TASP1: variants seen among roughly 807,000 people sequenced by gnomAD.
TASP1 encodes the protein taspase 1, also known as threonine aspartase 1.
A neutral mutation model predicts 56.6 loss-of-function variants in TASP1; 16 were observed. The ratio of observed to expected loss-of-function variants is 0.28; its 90% CI spans 0.19 to 0.43. The LOEUF is 0.43. Among genes scored for constraint, TASP1 ranks in the 20% least tolerant of loss-of-function variants. The pLI is 1.00. For synonymous variants in TASP1, 179 were observed against 184.2 expected (o/e 0.97, Z 0.23); for missense variants, 393 against 511.6 (o/e 0.77, Z 2.24).
the TASP1 span, among the ~76,000 whole-genome samples, chr20:13,322,269 A>G: frequency 8.6e-4 from 131 of 152,304 alleles, no homozygotes; most frequent in African/African-American, 3.1e-3. Context: ...TCATCTTCAA[A>G]GGCAGTTTGT....
the TASP1 span, among the ~76,000 whole-genome samples, chr20:13,125,670 T>A: frequency 6.6e-6 from 1 of 152,186 alleles, no homozygotes; most frequent in African/African-American, 2.4e-5. Context: ...GCTGGAATGG[T>A]CCTTCTCTGT....
intron 1 of TASP1, among the ~76,000 whole-genome samples, chr20:13,634,304 T>C (rs555439513): frequency 9.6e-4 from 146 of 152,326 alleles, no homozygotes; most frequent in Middle Eastern, 3.4e-3. Context: ...TGATTCCATT[T>C]ATATGAAATG....
At chr20:13,352,629 T>G in the TASP1 span, among the ~76,000 whole-genome samples, 1 of 152,178 alleles carries the variant, frequency 6.6e-6, no homozygotes, top group African/African-American at 2.4e-5. Context: ...GTTGGGTGGC[T>G]TTAGAAGCCA....
the TASP1 span, among the ~76,000 whole-genome samples, chr20:13,252,665 G>C: frequency 6.6e-6 from 1 of 152,068 alleles, no homozygotes; most frequent in Non-Finnish European, 1.5e-5. Context: ...TGAGGCAGGA[G>C]AATCGCTTGA....
the TASP1 span, among the ~76,000 whole-genome samples, chr20:13,290,727 A>T: frequency 5.9e-5 from 9 of 152,356 alleles, no homozygotes; most frequent in African/African-American, 1.9e-4. Context: ...ATGATGATGA[A>T]GAAGATTTTT....
chr20:13,342,818 C>G, the TASP1 span, among the ~76,000 whole-genome samples: 1 of 152,196 alleles, frequency 6.6e-6, no homozygotes, highest in African/African-American at 2.4e-5. Flanking sequence ...ACACACCCGA[C>G]AGGGTGCCTC....
the TASP1 span, among the ~76,000 whole-genome samples, chr20:13,222,465 C>T: frequency 6.6e-6 from 1 of 152,058 alleles, no homozygotes; most frequent in African/African-American, 2.4e-5. Flanking sequence ...TTCCAGTGTT[C>T]CTCTTCCTCC....
At chr20:13,568,555 A>C (rs984755367) in intron 7 of TASP1, among the ~76,000 whole-genome samples, 4 of 152,316 alleles carry the variant, frequency 2.6e-5, no homozygotes, top group East Asian at 1.9e-4. Context: ...TCATTATCAG[A>C]GATTAGTCTT....
chr20:13,218,290 G>GA, the TASP1 span, among the ~76,000 whole-genome samples: 31 of 151,456 alleles, frequency 2.0e-4, no homozygotes, highest in South Asian at 6.3e-4. Context: ...AAAAAAAAAG[G>GA]AAAGAGAGAG....
At chr20:13,427,049 G>A (rs996949103) in intron 12 of TASP1, among the ~76,000 whole-genome samples, 2 of 152,144 alleles carry the variant, frequency 1.3e-5, no homozygotes, top group Admixed American at 1.3e-4. Flanking sequence ...GATCATGTGA[G>A]CCCAGCAGAA....
At chr20:13,517,000 G>A (rs2044564318) in intron 10 of TASP1, among the ~76,000 whole-genome samples, 2 of 152,030 alleles carry the variant, frequency 1.3e-5, no homozygotes, top group Admixed American at 1.3e-4. Flanking sequence ...GTGGCAAGAA[G>A]GGAGATGTAC....
the TASP1 span, among the ~76,000 whole-genome samples, chr20:13,311,337 G>T: frequency 6.6e-6 from 1 of 152,132 alleles, no homozygotes; most frequent in Non-Finnish European, 1.5e-5. Flanking sequence ...CTGCTGGTGG[G>T]AATGTAAATT....
the TASP1 span, chr20:13,239,245 G>T: frequency 3.3e-5 from 5 of 152,228 alleles, no homozygotes; most frequent in Non-Finnish European, 7.3e-5. Flanking sequence ...TCTGTTCCAG[G>T]TTCTCCCCAG....
At chr20:13,183,724 C>A in the TASP1 span, among the ~76,000 whole-genome samples, 2 of 152,110 alleles carry the variant, frequency 1.3e-5, no homozygotes, top group Non-Finnish European at 2.9e-5. Flanking sequence ...AAGCAGTTTT[C>A]TTTTATAAGA....
intron 5 of TASP1, among the ~76,000 whole-genome samples, chr20:13,582,381 T>C (rs1287640010): frequency 7.1e-6 from 1 of 141,056 alleles, no homozygotes; most frequent in African/African-American, 2.6e-5. Context: ...TTATAAGTTA[T>C]AAGTTACAAC....
the TASP1 span, among the ~76,000 whole-genome samples, chr20:13,348,560 G>A: frequency 2.0e-5 from 3 of 151,334 alleles, no homozygotes; most frequent in Admixed American, 6.6e-5. Flanking sequence ...TGGATTTCAC[G>A]TTGGCTGACT....
chr20:13,362,808 A>ATATATAT, the TASP1 span, among the ~76,000 whole-genome samples: 3 of 114,776 alleles, frequency 2.6e-5, no homozygotes, highest in African/African-American at 9.4e-5. Context: ...AATAGCAAGA[A>ATATATAT]ATATATATAT....
chr20:13,196,562 A>T, the TASP1 span, among the ~76,000 whole-genome samples: 4 of 152,142 alleles, frequency 2.6e-5, no homozygotes, highest in Non-Finnish European at 5.9e-5. Context: ...CCACATAAGG[A>T]TGTTCAGCAC....
chr20:13,321,785 T>C, the TASP1 span, among the ~76,000 whole-genome samples: 17 of 152,230 alleles, frequency 1.1e-4, no homozygotes, highest in African/African-American at 4.1e-4. Flanking sequence ...ATCTTTTCTT[T>C]TCATGTGTAT....
Sources: gnomAD v4.1 joint callset for allele counts (sites outside exome capture counted in the v4.1 genomes callset) on GRCh38, gnomAD v4.1.1 for gene constraint, MANE v1.5 for transcripts, NCBI Gene and HGNC (gene_info 2026-07-23, HGNC 2026-07-21) for gene names.